The following OR51L1 variants were observed in gnomAD, a reference collection of about 807,000 sequenced individuals.
OR51L1 encodes olfactory receptor family 51 subfamily L member 1.
In OR51L1, 1 loss-of-function variant was observed where a neutral mutation model predicts 1.4. The ratio of observed to expected loss-of-function variants is 0.72; its 90% confidence interval spans 0.26 to 3.42. OR51L1 has a LOEUF of 3.42. Ranked by LOEUF, OR51L1 falls within the 30% of genes most tolerant of loss-of-function variation. OR51L1 has a pLI of 0.20. For synonymous variants in OR51L1, 156 were observed against 144.2 expected (o/e 1.08, Z -0.59); for missense variants, 378 against 380.0 (o/e 0.99, Z 0.04).
At chr11:4,997,634 AAT>A (rs1847084497) in intron 2 of OR51L1, 51 bp downstream of exon 2, 1 of 152,198 alleles carries the variant, frequency 6.6e-6, no homozygotes. Context: ...ACAGGGTTAA[AAT>A]AAAGACCTAG....
rs1847116284 is a variant in OR51L1, at chr11:5,000,035, T to C, written c.*105T>C. The C allele has an allele frequency of 9.1e-7, 1 of 1,103,170 alleles. No individual in the cohort carries two copies. Among genetic ancestry groups the C allele is most frequent in the African/African-American group, 1.6e-5 (1 of 63,210 alleles). 68.3% of individuals were successfully genotyped at this position (1,103,170 alleles called of 1,614,324 possible). A position where few individuals can be genotyped will look rare whatever the true frequency, so the allele number is the denominator to read the frequency against. On this transcript the variant is annotated 3_prime_UTR_variant, in exon 3 of 3. Transcript: ENST00000641819. ...TTGCTCATCTGGTTAAAATCCTAATTCTTTCACTTCTTATACATGTAATTT... is the reference window on the plus strand; with the variant it reads ...TTGCTCATCTGGTTAAAATCCTAATCCTTTCACTTCTTATACATGTAATTT...
rs747432720 is a variant in OR51L1 at position 5,002,376 on chromosome 11, G to T, written c.*2446G>T. ...AAGAGGTTAGAAAGAGTATGTGTTA[G>T]CAACGTTCTTCAGTCTAACTTAAAA... On this transcript the variant is annotated 3_prime_UTR_variant, in exon 3 of 3. Transcript: ENST00000641819. 2.0e-5 allele frequency: 3 copies of T among 152,098 alleles called. No individual in the cohort carries two copies. The highest frequency in any genetic ancestry group is 4.4e-5 in the Non-Finnish European group (3 of 68,018). The allele number at this position is 152,098 out of a possible 1,614,324, so 9.4% of individuals were successfully genotyped here. A position where few individuals can be genotyped will look rare whatever the true frequency, so the allele number is the denominator to read the frequency against.
At chr11:4,996,649 C>A (rs866187176) in intron 1 of OR51L1, among the ~76,000 whole-genome samples, 16 of 152,036 alleles carry the variant, frequency 1.1e-4, no homozygotes, top group Middle Eastern at 3.4e-3. Context: ...CCACTGTGGC[C>A]ACAGTTTTCT....
chr11:5,001,746 C>T lies in OR51L1; in HGVS notation c.*1816C>T, dbSNP rs1328040348. On this transcript the variant is annotated 3_prime_UTR_variant, in exon 3 of 3. Transcript: ENST00000641819. ...TATAGCACACTTTTTGAATATGGGGCCATGTCTATTACCTTATCACAGCAC... is the reference window on the plus strand; with the variant it reads ...TATAGCACACTTTTTGAATATGGGGTCATGTCTATTACCTTATCACAGCAC... 6.6e-6 allele frequency: 1 copy of T among 151,998 alleles called. No individual in the cohort carries two copies. The highest frequency in any genetic ancestry group is 2.4e-5 in the African/African-American group (1 of 41,354). The allele number at this position is 151,998 out of a possible 1,614,324, so 9.4% of individuals were successfully genotyped here. A position where few individuals can be genotyped will look rare whatever the true frequency, so the allele number is the denominator to read the frequency against.
In OR51L1 at chr11:5,001,474, C is replaced by T. The variant is rs1434422695; in HGVS notation, c.*1544C>T. The T allele has an allele frequency of 6.6e-6, 1 of 152,160 alleles. No homozygotes were observed. The highest frequency in any genetic ancestry group is 1.5e-5 in the Non-Finnish European group (1 of 68,028). The allele number at this position is 152,160 out of a possible 1,614,324, so 9.4% of individuals were successfully genotyped here. On this transcript the variant is annotated 3_prime_UTR_variant, in exon 3 of 3. Transcript: ENST00000641819. ...GCAATTGTGTTGACTCTGTTCAATA[C>T]TATAGGACAGGATTTTGTGTCTTAA...
chr11:4,996,059 G>A (rs1847065680), intron 1 of OR51L1, among the ~76,000 whole-genome samples: 1 of 152,028 alleles, frequency 6.6e-6, no homozygotes, highest in Admixed American at 6.6e-5. Flanking sequence ...TGTAGAATGG[G>A]AACTCTTTTC....
rs144559855 is a variant in OR51L1, at chr11:4,998,597, C to T, written c.-159-227C>T. On this transcript the variant is annotated intron_variant, in intron 2 of 2. Coordinates refer to ENST00000641819, the MANE Select transcript of OR51L1 (RefSeq NM_001004755.2). ...TAACTGATTAACTCAAGAACATTGGCCAGAAACTCATACAAATCCATCGAC... is the reference window on the plus strand; with the variant it reads ...TAACTGATTAACTCAAGAACATTGGTCAGAAACTCATACAAATCCATCGAC... Among the ~76,000 whole-genome samples, 1,070 of 152,154 alleles carry T rather than the reference C, an allele frequency of 7.0e-3. 11 individuals carry two copies. Among genetic ancestry groups the T allele is most frequent in the African/African-American group, 0.024 (986 of 41,506 alleles).
rs1847153495 is a variant in OR51L1 at position 5,003,906 on chromosome 11, T to C, written c.*3976T>C. The C allele has an allele frequency of 6.6e-6, 1 of 152,200 alleles. No homozygotes were observed. The highest frequency in any genetic ancestry group is 1.5e-5 in the Non-Finnish European group (1 of 68,036). The allele number at this position is 152,200 out of a possible 1,614,324, so 9.4% of individuals were successfully genotyped here. A position where few individuals can be genotyped will look rare whatever the true frequency, so the allele number is the denominator to read the frequency against. ...TAAGTCCAACTTATAAATTTGCTTT[T>C]ATGTTTAGTGCTTTTGTGTATTTTT... On this transcript the variant is annotated 3_prime_UTR_variant, in exon 3 of 3. Coordinates refer to ENST00000641819, the MANE Select transcript of OR51L1 (RefSeq NM_001004755.2).
At position 5,001,539 on chromosome 11, in the gene OR51L1, C is replaced by T. The variant is rs1336826965; in HGVS notation, c.*1609C>T. 6.6e-6 allele frequency: 1 copy of T among 152,112 alleles called. No homozygotes were observed. Among genetic ancestry groups the T allele is most frequent in the African/African-American group, 2.4e-5 (1 of 41,416 alleles). The allele number at this position is 152,112 out of a possible 1,614,324, so 9.4% of individuals were successfully genotyped here. ...AAGAGTTGTGCACAATCTCAACCCT[C>T]ATCTTTTAATAATACTTTTACCTCT... On this transcript the variant is annotated 3_prime_UTR_variant, in exon 3 of 3. Coordinates refer to ENST00000641819, the MANE Select transcript of OR51L1 (RefSeq NM_001004755.2).
intron 1 of OR51L1, among the ~76,000 whole-genome samples, chr11:4,995,589 C>T (rs1847061040): frequency 7.5e-6 from 1 of 133,486 alleles, no homozygotes; most frequent in Non-Finnish European, 1.7e-5. Flanking sequence ...ACTAGAGAGG[C>T]TGTAAAAAAA....
chr11:5,001,892 A>G lies in OR51L1; in HGVS notation c.*1962A>G, dbSNP rs527803159. On this transcript the variant is annotated 3_prime_UTR_variant, in exon 3 of 3. Transcript: ENST00000641819. ...GCAAAATGCATAACGTTAATGTTAA[A>G]TAATGAATGTTTAATAGTGAAGATA... 6.6e-6 allele frequency: 1 copy of G among 152,340 alleles called. No individual in the cohort carries two copies. Among genetic ancestry groups the G allele is most frequent in the East Asian group, 1.9e-4 (1 of 5,192 alleles). 9.4% of individuals were successfully genotyped at this position (152,340 alleles called of 1,614,324 possible).
At position 4,998,963 on chromosome 11, in the gene OR51L1, C is replaced by T; in HGVS notation, c.-20C>T. The T allele has an allele frequency of 1.2e-6, 2 of 1,601,104 alleles. No individual in the cohort carries two copies. The highest frequency in any genetic ancestry group is 1.7e-6 in the Non-Finnish European group (2 of 1,171,982). On this transcript the variant is annotated 5_prime_UTR_variant, in exon 3 of 3. Transcript: ENST00000641819. ...AACACGAACCATTCCTCACTACTTG[C>T]TGAATTACTCAAAGTCACTATGGGA... is the stretch of plus-strand genomic sequence containing the variant.
intron 2 of OR51L1, among the ~76,000 whole-genome samples, chr11:4,998,280 A>AT (rs1218602155): frequency 3.3e-5 from 5 of 150,270 alleles, no homozygotes; most frequent in Non-Finnish European, 7.4e-5. Flanking sequence ...TTTACCGTGA[A>AT]TTTTTTTTTA....
Position 4,999,699 on chromosome 11 carries a change from A to G in OR51L1, c.717A>G (p.Ala239=), listed in dbSNP as rs764626016. The stretch of plus-strand genomic sequence containing the variant: ...CATCTCGTGAAGAGCAGCTAAAGGC[A>G]CTCAACACATGTGTATCCCATATCT... ...DIASREEQLK[A]LNTCVSHICV... Residue 239 remains alanine (A), a synonymous_variant, in exon 3 of 3, where the codon GCA becomes GCG. Transcript: ENST00000641819. 3.1e-6 allele frequency: 5 copies of G among 1,613,970 alleles called. No homozygotes were observed. The South Asian group carries it at 5.5e-5, about 18-fold the overall frequency.
rs753517757 is a variant in OR51L1 at position 4,999,930 on chromosome 11, A to G, written c.948A>G (p.Ter316=). 3.1e-6 allele frequency: 5 copies of G among 1,601,248 alleles called. No homozygotes were observed. In the East Asian group the frequency reaches 8.9e-5, roughly 29 times the overall value. The part of the protein sequence containing the change: ...LHKFVLRRRF[*] ...AGTTTGTCCTAAGGAGGAGGTTTTA[A>G]GTAACCTCTGTCCTCCAACTTTTCC... is the stretch of plus-strand genomic sequence containing the variant. The change falls in exon 3 of 3, where the codon TAA becomes TAG. Residue 316 remains the stop codon, a stop_retained_variant. Coordinates refer to ENST00000641819, the MANE Select transcript of OR51L1 (RefSeq NM_001004755.2).
intron 2 of OR51L1, among the ~76,000 whole-genome samples, chr11:4,998,434 C>A (rs937345573): frequency 6.6e-6 from 1 of 151,566 alleles, no homozygotes; most frequent in African/African-American, 2.4e-5. Flanking sequence ...GGGTATTTAT[C>A]TTGTATTATT....
chr11:5,003,216 G>A lies in OR51L1; in HGVS notation c.*3286G>A, dbSNP rs1439174731. On this transcript the variant is annotated 3_prime_UTR_variant, in exon 3 of 3. Coordinates refer to ENST00000641819, the MANE Select transcript of OR51L1 (RefSeq NM_001004755.2). ...TTAACCTTAATCCTAGGACCTTATA[G>A]TCTGGCGCCTTTCCCGTGATCCTTC... 6.6e-6 allele frequency: 1 copy of A among 152,272 alleles called. No homozygotes were observed. Among genetic ancestry groups the A allele is most frequent in the Non-Finnish European group, 1.5e-5 (1 of 68,108 alleles). 9.4% of individuals were successfully genotyped at this position (152,272 alleles called of 1,614,324 possible).
rs1262188900 is a variant in OR51L1, at chr11:4,996,766, TTTC to T, written c.-261-715_-261-713del. Among the ~76,000 whole-genome samples the T allele has an allele frequency of 2.1e-5, 3 of 142,668 alleles. No homozygotes were observed. The East Asian group carries it at 6.1e-4, about 29-fold the overall frequency. 93.6% of individuals were successfully genotyped at this position (142,668 alleles called of 152,430 possible). A position where few individuals can be genotyped will look rare whatever the true frequency, so the allele number is the denominator to read the frequency against. ...CTTTCTTTCTTTCTTTCTTTCTTTC[TTTC>T]ATTTCTCTCTCTCTGTTTCTTTCTT... On this transcript the variant is annotated intron_variant, in intron 1 of 2. Transcript: ENST00000641819.
At chr11:4,996,924 AAAAAT>A (rs1374043667) in intron 1 of OR51L1, among the ~76,000 whole-genome samples, 2 of 152,034 alleles carry the variant, frequency 1.3e-5, no homozygotes, top group African/African-American at 4.8e-5. Context: ...AGGAGAAAGA[AAAAAT>A]AAAGTCAGCT....
Sources: allele counts gnomAD v4.1 joint callset (sites outside exome capture counted in the v4.1 genomes callset), GRCh38; gene constraint gnomAD v4.1.1; transcripts MANE v1.5; gene names NCBI Gene and HGNC (gene_info 2026-07-23, HGNC 2026-07-21).